GSK3A: variants seen among roughly 807,000 people sequenced by gnomAD.
GSK3A encodes the protein glycogen synthase kinase-3 alpha.
Under a neutral mutation model 56.6 loss-of-function variants are expected in GSK3A, and 14 were observed. The observed-to-expected ratio is 0.25, with a 90% confidence interval of 0.16 to 0.39. The LOEUF (loss-of-function observed/expected upper bound fraction) is 0.39. Ranked by LOEUF, GSK3A falls within the 10% of genes least tolerant of loss-of-function variation. GSK3A has a pLI of 1.00. For missense variants in GSK3A, 450 were observed against 656.0 expected (o/e 0.69, Z 3.43); for synonymous variants, 301 against 285.0 (o/e 1.06, Z -0.56).
chr19:42,240,315 C>T lies in GSK3A; in HGVS notation c.284-173G>A, dbSNP rs1001632543. The T allele has an allele frequency of 2.7e-5, 17 of 625,646 alleles. No homozygotes were observed. In the East Asian group the frequency reaches 4.6e-4, roughly 17 times the overall value. The allele number at this position is 625,646 out of a possible 1,614,324, so 38.8% of individuals were successfully genotyped here. A position where few individuals can be genotyped will look rare whatever the true frequency, so the allele number is the denominator to read the frequency against. ...TGGGACCTTCCCAGTGACTTTTCCC[C>T]TCTTCCTTTCTGGGAATCTTAAGTC... On this transcript the variant is annotated intron_variant, in intron 1 of 10. Coordinates refer to ENST00000222330, the MANE Select transcript of GSK3A (RefSeq NM_019884.3).
In GSK3A at chr19:42,231,997, C is replaced by G. The variant is rs960199524; in HGVS notation, c.1378+60G>C. The G allele has an allele frequency of 1.3e-5, 12 of 894,502 alleles. No homozygotes were observed. In the African/African-American group the frequency reaches 1.7e-4, roughly 13 times the overall value. The allele number at this position is 894,502 out of a possible 1,614,324, so 55.4% of individuals were successfully genotyped here. On this transcript the variant is annotated intron_variant, in intron 10 of 10. Transcript: ENST00000222330. ...TCAGGAAACCCAGTCACTGAGCGAACAGCCCCACCCTCTCCAGGCTGAGAG... is the reference window on the plus strand; with the variant it reads ...TCAGGAAACCCAGTCACTGAGCGAAGAGCCCCACCCTCTCCAGGCTGAGAG...
chr19:42,232,745 T>C (rs1599809617), intron 8 of GSK3A, 63 bp from the exon 9 acceptor site: 4 of 1,344,650 alleles, frequency 3.0e-6, no homozygotes, highest in African/African-American at 1.5e-5. Context: ...ACTCCTGTTA[T>C]CTCACTGCCA....
rs538863467 is a variant in GSK3A at position 42,234,314 on chromosome 19, A to C, written c.904+39T>G. On this transcript the variant is annotated intron_variant, in intron 6 of 10. Coordinates refer to ENST00000222330, the MANE Select transcript of GSK3A (RefSeq NM_019884.3). The surrounding 1 kb of genome is among the most constrained non-coding windows in gnomAD (Gnocchi z 5.7). ...CACACAGAAAACTCCAAAACTTCCC[A>C]GATTGCCACTCCCCCCGCCACCCTC... 2.7e-6 allele frequency: 4 copies of C among 1,478,422 alleles called. No individual in the cohort carries two copies. Among genetic ancestry groups the C allele is most frequent in the Non-Finnish European group, 3.8e-6 (4 of 1,056,684 alleles). 91.6% of individuals were successfully genotyped at this position (1,478,422 alleles called of 1,614,324 possible).
Position 42,233,341 on chromosome 19 carries a change from C to T in GSK3A, c.947G>A (p.Gly316Asp). Reference sequence around the variant, plus strand: ...ACTGTCCCCAGGGAAGATGGGCTGGCCCAAGAGGAGCTCTGCCAGTACACA... The same window carrying T: ...ACTGTCCCCAGGGAAGATGGGCTGGTCCAAGAGGAGCTCTGCCAGTACACA... The part of the protein sequence containing the change: ...AGCVLAELLL[G>D]QPIFPGDSGV... Residue 316 changes from glycine to aspartate, a missense_variant, in exon 7 of 11, where the codon GGC (glycine) becomes GAC (aspartate). This residue lies in a region of GSK3A where 144 missense variants were observed against 308.0 expected (regional missense o/e 0.47). Transcript: ENST00000222330. 1 of 1,568,364 alleles carries T rather than the reference C, an allele frequency of 6.4e-7. No individual in the cohort carries two copies. Among genetic ancestry groups the T allele is most frequent in the East Asian group, 2.4e-5 (1 of 41,944 alleles).
chr19:42,242,145 C>T (rs902754463), intron 1 of GSK3A, 38 bp downstream of exon 1: 11 of 1,314,470 alleles, frequency 8.4e-6, no homozygotes, highest in Non-Finnish European at 9.7e-6. Flanking sequence ...CTTTGGGAAC[C>T]CTAATCACCA....
rs370945979 is a variant in GSK3A, at chr19:42,234,488, G to A, written c.798-29C>T. 2.5e-5 allele frequency: 40 copies of A among 1,613,352 alleles called. No homozygotes were observed. Among genetic ancestry groups the A allele is most frequent in the African/African-American group, 6.7e-5 (5 of 74,926 alleles). On this transcript the variant is annotated intron_variant, in intron 5 of 10. Transcript: ENST00000222330. This position sits in a 1 kb window ranked among gnomAD's most constrained non-coding sequence, Gnocchi z 5.7. ...TGGGAAGAGATGGGCAGGGGTACAC[G>A]TGAGGCAAGGGTTGGGGTCCCCCCT...
intron 8 of GSK3A, 116 bp downstream of exon 8, chr19:42,232,994 G>C: frequency 1.4e-6 from 1 of 711,680 alleles, no homozygotes; most frequent in Non-Finnish European, 2.4e-6. Context: ...TTGATCCCTG[G>C]ATAACTCTTC....
At chr19:42,233,470 G>C in intron 6 of GSK3A, 87 bp from the exon 7 acceptor site, 1 of 861,338 alleles carries the variant, frequency 1.2e-6, no homozygotes. Context: ...CATCCTAAGA[G>C]TGTCAGGAGC....
In GSK3A at chr19:42,232,484, C is replaced by A. The variant is rs985316807; in HGVS notation, c.1285+12G>T. 2 of 1,613,488 alleles carry A rather than the reference C, an allele frequency of 1.2e-6. No homozygotes were observed. The highest frequency in any genetic ancestry group is 2.7e-5 in the African/African-American group (2 of 74,894). On this transcript the variant is annotated intron_variant, in intron 9 of 10. Transcript: ENST00000222330. ...CCCGCCCCACTCCCCAGATCCCAGG[C>A]TATGCCCTCACCACCAGCACTGAAG...
At chr19:42,232,819 A>G (rs1311917376) in intron 8 of GSK3A, 137 bp from the exon 9 acceptor site, 2 of 729,868 alleles carry the variant, frequency 2.7e-6, no homozygotes, top group South Asian at 4.0e-5. Flanking sequence ...TGAAGAAACT[A>G]AGGCCCAACC....
intron 1 of GSK3A, 142 bp from the exon 2 acceptor site, chr19:42,240,284 G>A: frequency 1.4e-6 from 1 of 724,394 alleles, no homozygotes; most frequent in Non-Finnish European, 2.4e-6. Flanking sequence ...GAGGAAAGGT[G>A]GATGCTGGGA....
chr19:42,233,214 A>G lies in GSK3A; in HGVS notation c.1003-9T>C, dbSNP rs771203065. ...GTTGGTGTTCCCAGCACCTGTAAAG[A>G]GAGGGAGGGGTCTGAGACAAGGGCC... On this transcript the variant is annotated splice_polypyrimidine_tract_variant and intron_variant, in intron 7 of 10. Transcript: ENST00000222330. 1.2e-5 allele frequency: 19 copies of G among 1,602,970 alleles called. No individual in the cohort carries two copies. The Middle Eastern group carries it at 1.2e-3, about 99-fold the overall frequency.
intron 10 of GSK3A, among the ~76,000 whole-genome samples, chr19:42,231,088 A>G (rs956930403): frequency 4.6e-5 from 7 of 152,218 alleles, no homozygotes; most frequent in Admixed American, 2.0e-4. Flanking sequence ...TGGGCTGGGC[A>G]CAGTGGCTCA....
intron 2 of GSK3A, among the ~76,000 whole-genome samples, chr19:42,237,910 TTTA>T (rs1383258284): frequency 2.0e-5 from 3 of 150,650 alleles, no homozygotes; most frequent in East Asian, 1.9e-4. Flanking sequence ...TAAGATAAAA[TTTA>T]TTATTATTAT....
rs144966384 is a variant in GSK3A, at chr19:42,242,004, T to C, written c.283+179A>G. 918 of 443,718 alleles carry C rather than the reference T, an allele frequency of 2.1e-3. 1 individual carries two copies. Among genetic ancestry groups the C allele is most frequent in the Non-Finnish European group, 3.1e-3 (815 of 266,094 alleles). 27.5% of individuals were successfully genotyped at this position (443,718 alleles called of 1,614,324 possible). ...AATTCTGATCCACGAGTAATTCTGA[T>C]CTCCAAGAGATGGTAACCCCAAGAC... On this transcript the variant is annotated intron_variant, in intron 1 of 10. Transcript: ENST00000222330.
intron 8 of GSK3A, 32 bp downstream of exon 8, chr19:42,233,078 C>T (rs1426035826): frequency 1.4e-6 from 2 of 1,383,510 alleles, no homozygotes; most frequent in East Asian, 4.6e-5. Flanking sequence ...AGCTCTCAGC[C>T]ATACTGCCCT....
rs554204519 is a variant in GSK3A, at chr19:42,234,631, C to T, written c.714G>A (p.Gln238=). The T allele has an allele frequency of 3.3e-5, 53 of 1,613,322 alleles. 1 individual carries two copies. The South Asian group carries it at 5.6e-4, about 17-fold the overall frequency. The part of the protein sequence containing the change: ...LFRSLAYIHS[Q]GVCHRDIKPQ... ...GCTTGATGTCGCGGTGACACACGCCCTGGGAGTGGATGTAGGCCAAGCTGC... is the reference window on the plus strand; with the variant it reads ...GCTTGATGTCGCGGTGACACACGCCTTGGGAGTGGATGTAGGCCAAGCTGC... The change falls in exon 5 of 11, where the codon CAG becomes CAA. Residue 238 remains glutamine, a synonymous_variant. Coordinates refer to ENST00000222330, the MANE Select transcript of GSK3A (RefSeq NM_019884.3). The surrounding 1 kb of genome is among the most constrained non-coding windows in gnomAD (Gnocchi z 5.7).
chr19:42,235,330 C>T (rs1174974791), intron 4 of GSK3A, among the ~76,000 whole-genome samples: 1 of 152,164 alleles, frequency 6.6e-6, no homozygotes. Context: ...GCTAGGGAGC[C>T]AGGCACTCAG....
intron 1 of GSK3A, 147 bp from the exon 2 acceptor site, chr19:42,240,289 C>A: frequency 1.4e-6 from 1 of 698,554 alleles, no homozygotes; most frequent in South Asian, 1.6e-5. Context: ...AAGGTGGATG[C>A]TGGGACCTTC....
Sources: allele counts gnomAD v4.1 joint callset (sites outside exome capture counted in the v4.1 genomes callset), GRCh38; gene constraint gnomAD v4.1.1; regional missense constraint gnomAD v4.1.1; non-coding constraint Gnocchi (gnomAD v3.1); transcripts MANE v1.5; gene names NCBI Gene and HGNC (gene_info 2026-07-23, HGNC 2026-07-21).